The following NPAS3 variants were observed in gnomAD, a reference collection of about 807,000 sequenced individuals.
NPAS3 encodes neuronal PAS domain-containing protein 3.
A neutral mutation model predicts 73.1 loss-of-function variants in NPAS3; 14 were observed. The ratio of observed to expected loss-of-function variants is 0.19; its 90% confidence interval spans 0.13 to 0.30. The LOEUF (loss-of-function observed/expected upper bound fraction) is 0.30. Among genes scored for constraint, NPAS3 ranks in the 10% least tolerant of loss-of-function variants. NPAS3 has a pLI of 1.00. For synonymous variants in NPAS3, 620 were observed against 541.5 expected, an observed-to-expected ratio of 1.14 and a Z score of -2.01; for missense variants, 1,096 against 1,250.0, an observed-to-expected ratio of 0.88 and a Z score of 1.86.
intron 4 of NPAS3, among the ~76,000 whole-genome samples, chr14:33,434,872 C>G (rs1025460313): frequency 3.3e-5 from 5 of 152,162 alleles, no homozygotes; most frequent in Non-Finnish European, 7.3e-5. Context: ...CCAAGCTAGA[C>G]TTGCACTGGG....
intron 5 of NPAS3, among the ~76,000 whole-genome samples, chr14:33,638,636 C>T (rs2058592700): frequency 6.6e-6 from 1 of 152,206 alleles, no homozygotes; most frequent in Non-Finnish European, 1.5e-5. Context: ...CAAGTGAGAA[C>T]TTTGCAGTTG....
At chr14:33,414,873 A>G (rs1467087876) in intron 4 of NPAS3, among the ~76,000 whole-genome samples, 2 of 152,098 alleles carry the variant, frequency 1.3e-5, no homozygotes, top group Admixed American at 1.3e-4. Context: ...GCAGAATTGC[A>G]TTTAGGGTAT....
At chr14:33,517,268 C>T (rs2140067859) in intron 4 of NPAS3, among the ~76,000 whole-genome samples, 1 of 152,176 alleles carries the variant, frequency 6.6e-6, no homozygotes, top group East Asian at 1.9e-4. Context: ...GGGTCATCAA[C>T]CTCTGGCAAA....
intron 2 of NPAS3, among the ~76,000 whole-genome samples, chr14:33,067,108 TG>T (rs1010081871): frequency 1.3e-5 from 2 of 152,218 alleles, no homozygotes; most frequent in African/African-American, 4.8e-5. Context: ...AACTAACTAT[TG>T]GAGACCCTCT....
intron 1 of NPAS3, among the ~76,000 whole-genome samples, chr14:33,025,756 A>T (rs2039779130): frequency 6.6e-6 from 1 of 152,154 alleles, no homozygotes; most frequent in African/African-American, 2.4e-5. Flanking sequence ...CCTGCTAGCC[A>T]TATGAAGAAG....
chr14:33,494,643 T>A (rs1345398494), intron 4 of NPAS3, among the ~76,000 whole-genome samples: 2 of 152,116 alleles, frequency 1.3e-5, no homozygotes, highest in Non-Finnish European at 2.9e-5. Context: ...GTCAGAAATA[T>A]ATTTCTGCCA....
chr14:33,676,607 T>A (rs1374042226), intron 6 of NPAS3, among the ~76,000 whole-genome samples: 1 of 152,250 alleles, frequency 6.6e-6, no homozygotes, highest in Non-Finnish European at 1.5e-5. Context: ...GAACAATACA[T>A]GTAGAAGGTA....
chr14:33,452,542 G>A lies in NPAS3; in HGVS notation c.468+85274G>A, dbSNP rs188019606. Among the ~76,000 whole-genome samples the A allele has an allele frequency of 4.6e-5, 7 of 152,152 alleles. No individual in the cohort carries two copies. The East Asian group carries it at 1.4e-3, about 29-fold the overall frequency. ...AATCCCAGCACTTTGTGAGGCTGAG[G>A]CAGGCGGATCATGAGGTCAGGAGAT... On this transcript the variant is annotated intron_variant, in intron 4 of 11. Coordinates refer to ENST00000356141, the Ensembl canonical transcript of NPAS3.
chr14:33,511,563 C>T (rs1258293237), intron 4 of NPAS3, among the ~76,000 whole-genome samples: 1 of 151,960 alleles, frequency 6.6e-6, no homozygotes, highest in Admixed American at 6.6e-5. Context: ...CTGTTGTATC[C>T]TCTTTGGTGG....
intron 4 of NPAS3, among the ~76,000 whole-genome samples, chr14:33,498,931 A>AGTGTGT (rs768888278): frequency 3.7e-4 from 44 of 119,314 alleles, no homozygotes; most frequent in East Asian, 1.1e-3. Flanking sequence ...AGAGACAGAG[A>AGTGTGT]GAGAGTGTGT....
intron 3 of NPAS3, among the ~76,000 whole-genome samples, chr14:33,275,647 G>A (rs775040989): frequency 1.3e-5 from 2 of 152,184 alleles, no homozygotes; most frequent in Non-Finnish European, 2.9e-5. Context: ...TGGAATTCAT[G>A]TTTAAAGGAC....
Position 32,998,076 on chromosome 14 carries a change from T to G in NPAS3, c.51-57829T>G, listed in dbSNP as rs566552811. Among the ~76,000 whole-genome samples the G allele has an allele frequency of 3.9e-5, 6 of 152,304 alleles. No individual in the cohort carries two copies. In the South Asian group the frequency reaches 1.2e-3, roughly 32 times the overall value. ...GGGTACTCAAATAAGAACATGCTCA[T>G]GCATGTTCATAGCAGCACTGTTTAC... On this transcript the variant is annotated intron_variant, in intron 1 of 11. Coordinates refer to ENST00000356141, the Ensembl canonical transcript of NPAS3.
At chr14:33,032,071 G>A (rs1476934255) in intron 1 of NPAS3, among the ~76,000 whole-genome samples, 1 of 152,190 alleles carries the variant, frequency 6.6e-6, no homozygotes, top group African/African-American at 2.4e-5. Flanking sequence ...CTATGATAAA[G>A]TCTAGATTCT....
At chr14:33,662,493 A>T (rs2059335830) in intron 5 of NPAS3, among the ~76,000 whole-genome samples, 1 of 152,296 alleles carries the variant, frequency 6.6e-6, no homozygotes, top group Admixed American at 6.5e-5. Context: ...AAGAAAGTCA[A>T]TGGTAGCTTG....
At chr14:33,618,738 C>T (rs2140085096) in intron 5 of NPAS3, among the ~76,000 whole-genome samples, 1 of 152,280 alleles carries the variant, frequency 6.6e-6, no homozygotes, top group South Asian at 2.1e-4. Context: ...GAAATGTTTT[C>T]CCACTATTTA....
At chr14:33,650,720 C>G (rs2058967065) in intron 5 of NPAS3, among the ~76,000 whole-genome samples, 1 of 151,334 alleles carries the variant, frequency 6.6e-6, no homozygotes, top group Non-Finnish European at 1.5e-5. Flanking sequence ...TCTGGGGGCT[C>G]TAAGATGGAG....
chr14:33,800,497 G>T lies in NPAS3; in HGVS notation c.2190G>T (p.Gln730His), dbSNP rs2063670679. 1 of 1,447,510 alleles carries T rather than the reference G, an allele frequency of 6.9e-7. No homozygotes were observed. The highest frequency in any genetic ancestry group is 9.0e-7 in the Non-Finnish European group (1 of 1,107,588). The allele number at this position is 1,447,510 out of a possible 1,614,324, so 89.7% of individuals were successfully genotyped here. Residue 730 changes from glutamine (Q) to histidine (H), a missense_variant, in exon 12 of 12, where the codon CAG (glutamine) becomes CAT (histidine). Gln to His is a conservative substitution (Grantham distance 24). Transcript: ENST00000356141. This position sits in a 1 kb window ranked among gnomAD's most constrained non-coding sequence, Gnocchi z 6.5. Reference sequence around the variant, plus strand: ...ACGGCGCGGCCGCCCGCAAGACTCAGTTCGGCGCCTCGGCCACCGCGGCCC... The same window carrying T: ...ACGGCGCGGCCGCCCGCAAGACTCATTTCGGCGCCTCGGCCACCGCGGCCC...
chr14:33,080,199 C>A (rs773791553), intron 2 of NPAS3, among the ~76,000 whole-genome samples: 1 of 152,028 alleles, frequency 6.6e-6, no homozygotes, highest in Non-Finnish European at 1.5e-5. Context: ...TCTCTGCCTC[C>A]GGGGTTCACA....
chr14:33,691,940 G>A (rs780540659), intron 6 of NPAS3, among the ~76,000 whole-genome samples: 1 of 152,288 alleles, frequency 6.6e-6, no homozygotes, highest in Middle Eastern at 3.4e-3. Flanking sequence ...CTGCTGATAG[G>A]AAACAAATTC....
Sources: allele counts gnomAD v4.1 joint callset (sites outside exome capture counted in the v4.1 genomes callset), GRCh38; gene constraint gnomAD v4.1.1; non-coding constraint Gnocchi (gnomAD v3.1); transcripts MANE v1.5; gene names NCBI Gene and HGNC (gene_info 2026-07-23, HGNC 2026-07-21).